Variants in LRP4 observed in about 807,000 individuals in gnomAD.
LRP4 encodes LDL receptor related protein 4.
In LRP4, 95 loss-of-function variants were observed where a neutral mutation model predicts 220.3. The observed-to-expected ratio is 0.43, with a 90% CI of 0.37 to 0.51. The LOEUF (loss-of-function observed/expected upper bound fraction) is 0.51. Among genes scored for constraint, LRP4 ranks in the 20% least tolerant of loss-of-function variants. The pLI is 0.00. For synonymous variants in LRP4, 903 were observed against 954.6 expected (o/e 0.95, Z 1.00); for missense variants, 1,925 against 2,567.0 (o/e 0.75, Z 5.40).
chr11:46,864,324 G>A lies in LRP4; in HGVS notation c.5243+124C>T, dbSNP rs79541310. On this transcript the variant is annotated intron_variant, in intron 36 of 37. Transcript: ENST00000378623. ...CCCTTTCCTTCTGCTGCCCTGACCAGGCACCCAACCTTGCAATAAGGCTGG... is the reference window on the plus strand; with the variant it reads ...CCCTTTCCTTCTGCTGCCCTGACCAAGCACCCAACCTTGCAATAAGGCTGG... 6.5e-3 allele frequency: 5,099 copies of A among 786,602 alleles called. 182 individuals carry two copies. In the African/African-American group the frequency reaches 0.077, roughly 12 times the overall value. The allele number at this position is 786,602 out of a possible 1,614,324, so 48.7% of individuals were successfully genotyped here. A position where few individuals can be genotyped will look rare whatever the true frequency, so the allele number is the denominator to read the frequency against.
At chr11:46,862,844 G>GATCC in intron 36 of LRP4, 97 bp from the exon 37 acceptor site, 1 of 1,050,958 alleles carries the variant, frequency 9.5e-7, no homozygotes, top group Non-Finnish European at 1.5e-6. Context: ...CCTCTAAGAT[G>GATCC]ATCCCAGTGA....
At chr11:46,892,868 C>A in intron 13 of LRP4, 105 bp downstream of exon 13, 1 of 1,434,724 alleles carries the variant, frequency 7.0e-7, no homozygotes, top group Non-Finnish European at 9.6e-7. Context: ...CCGCGCCCAG[C>A]TACACCACAC....
intron 19 of LRP4, 125 bp downstream of exon 19, chr11:46,883,746 G>A (rs370519377): frequency 1.4e-6 from 1 of 730,852 alleles, no homozygotes; most frequent in Non-Finnish European, 2.3e-6. Context: ...GGTTTCTACA[G>A]CTGCTCTTGC....
chr11:46,910,976 A>C (rs1345737091), intron 1 of LRP4, among the ~76,000 whole-genome samples: 1 of 152,010 alleles, frequency 6.6e-6, no homozygotes, highest in Non-Finnish European at 1.5e-5. Context: ...ACACCCAGCA[A>C]ATCTTTGCCT....
rs1592504961 is a variant in LRP4 at position 46,858,166 on chromosome 11, T to TA, written c.*816dup. 6.6e-6 allele frequency: 1 copy of TA among 152,546 alleles called. No homozygotes were observed. The highest frequency in any genetic ancestry group is 1.9e-4 in the East Asian group (1 of 5,190). 9.4% of individuals were successfully genotyped at this position (152,546 alleles called of 1,614,324 possible). On this transcript the variant is annotated 3_prime_UTR_variant, in exon 38 of 38. Transcript: ENST00000378623. Reference sequence around the variant, plus strand: ...TCAAGCCACTGGCTCACAACCTGGTTAATTTGAGCAAAGACTTAGGAAAGG... The same window carrying TA: ...TCAAGCCACTGGCTCACAACCTGGTTAAATTTGAGCAAAGACTTAGGAAAGG...
In LRP4 at chr11:46,860,972, CAG is replaced by C. The variant is rs1414070477; in HGVS notation, c.5385+1632_5385+1633del. The C allele has an allele frequency of 3.0e-6, 3 of 984,936 alleles. No individual in the cohort carries two copies. The African/African-American group carries it at 5.2e-5, about 17-fold the overall frequency. The allele number at this position is 984,936 out of a possible 1,614,324, so 61.0% of individuals were successfully genotyped here. A position where few individuals can be genotyped will look rare whatever the true frequency, so the allele number is the denominator to read the frequency against. On this transcript the variant is annotated intron_variant, in intron 37 of 37. Transcript: ENST00000378623. The stretch of plus-strand genomic sequence containing the variant: ...CAGAAGAGAAAAGGTGAAAGACTAT[CAG>C]AGGGGTGAAAGAGCTGCTGAGGAAG...
At position 46,869,012 on chromosome 11, in the gene LRP4, C is replaced by T; in HGVS notation, c.4813G>A (p.Val1605Met). The T allele has an allele frequency of 1.2e-6, 2 of 1,614,176 alleles. No individual in the cohort carries two copies. The highest frequency in any genetic ancestry group is 1.7e-6 in the Non-Finnish European group (2 of 1,180,028). ...ANVEGLMDII[V>M]VSPQRQTGTN... ...CCTGTCTGCCGCTGAGGGGAAACCA[C>T]GATGATATCCATGAGTCCTTCCACA... Residue 1605 changes from valine to methionine, a missense_variant, in exon 32 of 38, where the codon GTG (valine) becomes ATG (methionine). Physicochemically the swap from Val to Met is conservative, Grantham distance 21. Coordinates refer to ENST00000378623, the MANE Select transcript of LRP4 (RefSeq NM_002334.4).
At chr11:46,896,492 T>C (rs1051361634) in intron 8 of LRP4, among the ~76,000 whole-genome samples, 157 bp from the exon 9 acceptor site, 2 of 152,234 alleles carry the variant, frequency 1.3e-5, no homozygotes, top group African/African-American at 2.4e-5. Flanking sequence ...GCTGGCTGAA[T>C]GTCTGCATTT....
chr11:46,889,397 G>A lies in LRP4; in HGVS notation c.2215+14C>T. On this transcript the variant is annotated intron_variant, in intron 16 of 37. Transcript: ENST00000378623. The stretch of plus-strand genomic sequence containing the variant: ...AACAGCCTCCATGGAGGCTGGTGTT[G>A]CAGACCCACTTACTCTGGGCACAGG... 1 of 1,613,642 alleles carries A rather than the reference G, an allele frequency of 6.2e-7. No homozygotes were observed. The highest frequency in any genetic ancestry group is 8.5e-7 in the Non-Finnish European group (1 of 1,180,000).
chr11:46,876,333 G>A, intron 25 of LRP4, 133 bp downstream of exon 25: 2 of 974,088 alleles, frequency 2.1e-6, no homozygotes, highest in South Asian at 1.3e-5. Context: ...AGTCACAAGA[G>A]AGTGGAAGAG....
At chr11:46,862,060 C>A (rs1940569622) in intron 37 of LRP4, among the ~76,000 whole-genome samples, 2 of 95,628 alleles carry the variant, frequency 2.1e-5, no homozygotes, top group African/African-American at 4.1e-5. Flanking sequence ...AAGAGCGAAA[C>A]TCTGTCTCAA....
In LRP4 at chr11:46,874,869, A is replaced by G. The variant is rs1237313579; in HGVS notation, c.4160T>C (p.Val1387Ala). Residue 1387 changes from valine to alanine, a missense_variant, in exon 28 of 38, where the codon GTC (valine) becomes GCC (alanine). Val to Ala is a moderately conservative substitution (Grantham distance 64). Transcript: ENST00000378623. ...CACGCTGTCATAGTCCAGGGAGATG[A>G]CATTGTTGAGCTCAGGAACAGGGAC... ...VHVPVPELNNVISLDYDSVDG... is the reference protein window; with the variant it reads ...VHVPVPELNNAISLDYDSVDG... 1.1e-5 allele frequency: 17 copies of G among 1,614,172 alleles called. No homozygotes were observed. Among genetic ancestry groups the G allele is most frequent in the Non-Finnish European group, 1.4e-5 (17 of 1,180,018 alleles).
Position 46,886,079 on chromosome 11 carries a change from C to T in LRP4, c.2506+12G>A. The T allele has an allele frequency of 6.2e-7, 1 of 1,612,412 alleles. No homozygotes were observed. Among genetic ancestry groups the T allele is most frequent in the Non-Finnish European group, 8.5e-7 (1 of 1,178,768 alleles). On this transcript the variant is annotated intron_variant, in intron 18 of 37. Transcript: ENST00000378623. ...CAGGGAGCCAGGCAGGCCACGGCTC[C>T]CCTATGCATACCTGCATCTGTCCAG... is the stretch of plus-strand genomic sequence containing the variant.
Position 46,883,993 on chromosome 11 carries a change from CAG to C in LRP4, c.2507-19_2507-18del, listed in dbSNP as rs770231330. ...GGTCTGTACCTATCAAGAAGGGATA[CAG>C]AGATTAATTCTAGTCTTGTTCATTC... On this transcript the variant is annotated intron_variant, in intron 18 of 37. Coordinates refer to ENST00000378623, the MANE Select transcript of LRP4 (RefSeq NM_002334.4). 1.9e-6 allele frequency: 3 copies of C among 1,590,040 alleles called. No individual in the cohort carries two copies. The African/African-American group carries it at 4.0e-5, about 21-fold the overall frequency.
intron 1 of LRP4, among the ~76,000 whole-genome samples, chr11:46,909,388 T>G (rs577762244): frequency 7.4e-6 from 1 of 134,490 alleles, no homozygotes; most frequent in Non-Finnish European, 1.6e-5. Context: ...GGGTGGATCA[T>G]GAGGTCAGGA....
At chr11:46,902,358 C>A (rs1279708067) in intron 2 of LRP4, among the ~76,000 whole-genome samples, 142 of 92,274 alleles carry the variant, frequency 1.5e-3, no homozygotes, top group Middle Eastern at 5.1e-3. Flanking sequence ...GACTCTGTAT[C>A]AAAAAAAAAA....
chr11:46,865,382 G>A (rs1481135180), intron 34 of LRP4, among the ~76,000 whole-genome samples, 196 bp from the exon 35 acceptor site: 1 of 152,188 alleles, frequency 6.6e-6, no homozygotes, highest in African/African-American at 2.4e-5. Context: ...TTTTCAAGCC[G>A]TTATACCATG....
intron 32 of LRP4, 118 bp downstream of exon 32, chr11:46,868,870 A>T: frequency 6.8e-7 from 1 of 1,466,948 alleles, no homozygotes; most frequent in South Asian, 1.1e-5. Flanking sequence ...CTAAGCGTTT[A>T]AAATGTGAAC....
chr11:46,897,399 C>G (rs1312236300), intron 7 of LRP4, among the ~76,000 whole-genome samples: 1 of 111,288 alleles, frequency 9.0e-6, no homozygotes, highest in African/African-American at 3.3e-5. Flanking sequence ...TTTTTATTAT[C>G]ATTCTTGGGT....
Sources: gnomAD v4.1 joint callset for allele counts (sites outside exome capture counted in the v4.1 genomes callset) on GRCh38, gnomAD v4.1.1 for gene constraint, MANE v1.5 for transcripts, NCBI Gene and HGNC (gene_info 2026-07-23, HGNC 2026-07-21) for gene names.